The following AOAH variants were observed in gnomAD, a reference collection of about 807,000 sequenced individuals.
The protein encoded by AOAH is acyloxyacyl hydrolase, also known as acyloxyacyl hydrolase (neutrophil).
In AOAH, 64 loss-of-function variants were observed where a neutral mutation model predicts 92.2. The observed-to-expected ratio is 0.69, with a 90% confidence interval of 0.57 to 0.86. AOAH has a LOEUF of 0.86. AOAH is among the 40% of genes least tolerant of loss of function. The pLI is 0.00. For missense variants in AOAH, 656 were observed against 694.6 expected, an observed-to-expected ratio of 0.94 and a Z score of 0.62; for synonymous variants, 263 against 254.5, an observed-to-expected ratio of 1.03 and a Z score of -0.32.
At chr7:36,655,499 C>G (rs955577559) in intron 4 of AOAH, among the ~76,000 whole-genome samples, 5 of 152,164 alleles carry the variant, frequency 3.3e-5, no homozygotes, top group African/African-American at 4.8e-5. Context: ...CAGTCACTTG[C>G]TGCTCTCTGC....
chr7:36,525,866 C>T (rs10227530), intron 19 of AOAH, among the ~76,000 whole-genome samples: 10,301 of 152,224 alleles, frequency 0.068, 523 homozygotes, highest in East Asian at 0.18. Flanking sequence ...ATTCCCTTCT[C>T]CTTCCCTTGG....
intron 4 of AOAH, among the ~76,000 whole-genome samples, chr7:36,654,334 G>A (rs1794754468): frequency 6.6e-6 from 1 of 151,364 alleles, no homozygotes; most frequent in South Asian, 2.1e-4. Flanking sequence ...TCTTCTTCTT[G>A]TACCAGTGGG....
At chr7:36,608,736 A>G (rs1254182048) in intron 11 of AOAH, among the ~76,000 whole-genome samples, 1 of 152,158 alleles carries the variant, frequency 6.6e-6, no homozygotes, top group Non-Finnish European at 1.5e-5. Flanking sequence ...TGAGCTTGGC[A>G]TGTGGCTATC....
chr7:36,665,838 C>A (rs10245679), intron 3 of AOAH, among the ~76,000 whole-genome samples: 49,049 of 151,766 alleles, frequency 0.32, 8,521 homozygotes, highest in South Asian at 0.48. Flanking sequence ...CCTGTTGATA[C>A]GATGGATTAC....
chr7:36,657,008 T>C (rs910161390), intron 4 of AOAH, among the ~76,000 whole-genome samples: 3 of 152,110 alleles, frequency 2.0e-5, no homozygotes, highest in Admixed American at 2.0e-4. Flanking sequence ...GTCTGCTATA[T>C]ACCACTGAAA....
chr7:36,657,678 G>A (rs1794971182), intron 4 of AOAH, among the ~76,000 whole-genome samples: 1 of 152,224 alleles, frequency 6.6e-6, no homozygotes, highest in Admixed American at 6.5e-5. Context: ...CTGAATGCTA[G>A]CTGGGGTAGA....
At chr7:36,687,017 C>T (rs545530534) in intron 1 of AOAH, among the ~76,000 whole-genome samples, 2 of 152,294 alleles carry the variant, frequency 1.3e-5, no homozygotes, top group African/African-American at 2.4e-5. Context: ...TCCTCCCCCA[C>T]TTTCTCTCCT....
Position 36,618,386 on chromosome 7 carries a change from A to G in AOAH, c.703-41T>C, listed in dbSNP as rs769604712. 1.0e-5 allele frequency: 16 copies of G among 1,580,796 alleles called. No homozygotes were observed. The South Asian group carries it at 1.8e-4, about 18-fold the overall frequency. On this transcript the variant is annotated intron_variant, in intron 9 of 20. Transcript: ENST00000617537. ...GATGTGATTAGCAGTTTGGTTTTAA[A>G]TTTATGAGATACATATACTAAAGCT...
chr7:36,635,123 C>G (rs1793430908), intron 5 of AOAH, among the ~76,000 whole-genome samples: 1 of 152,168 alleles, frequency 6.6e-6, no homozygotes, highest in Admixed American at 6.5e-5. Flanking sequence ...TTGCCAGCCT[C>G]CTCCTTTCAA....
intron 1 of AOAH, among the ~76,000 whole-genome samples, chr7:36,698,200 C>T (rs1797831943): frequency 6.6e-6 from 1 of 152,090 alleles, no homozygotes; most frequent in Non-Finnish European, 1.5e-5. Context: ...CTAAACTCTC[C>T]CTCTACCTTC....
chr7:36,596,761 G>A (rs1377006389), intron 11 of AOAH, among the ~76,000 whole-genome samples: 1 of 152,068 alleles, frequency 6.6e-6, no homozygotes, highest in Non-Finnish European at 1.5e-5. Flanking sequence ...GAATTCTGGG[G>A]CAATCAATTT....
intron 1 of AOAH, among the ~76,000 whole-genome samples, chr7:36,702,234 C>T (rs1466172015): frequency 6.6e-6 from 1 of 152,000 alleles, no homozygotes; most frequent in Non-Finnish European, 1.5e-5. Flanking sequence ...TTATATTTAT[C>T]TACATATTTA....
intron 1 of AOAH, among the ~76,000 whole-genome samples, chr7:36,718,593 T>G (rs745735332): frequency 5.3e-5 from 8 of 152,186 alleles, no homozygotes; most frequent in Non-Finnish European, 1.0e-4. Context: ...AAACCAAGTA[T>G]GTCCATACAA....
At chr7:36,590,964 A>G (rs928151216) in intron 12 of AOAH, among the ~76,000 whole-genome samples, 4 of 152,228 alleles carry the variant, frequency 2.6e-5, no homozygotes, top group African/African-American at 9.6e-5. Context: ...ATACAATGGT[A>G]TATGGATACT....
intron 2 of AOAH, among the ~76,000 whole-genome samples, chr7:36,679,937 A>G (rs989755783): frequency 6.6e-5 from 10 of 152,184 alleles, no homozygotes; most frequent in Middle Eastern, 3.2e-3. Context: ...GATTACAGGC[A>G]TGAGCCACCA....
At chr7:36,605,678 G>T (rs1790947259) in intron 11 of AOAH, among the ~76,000 whole-genome samples, 1 of 152,200 alleles carries the variant, frequency 6.6e-6, no homozygotes, top group Admixed American at 6.5e-5. Context: ...AGGCAGCAGG[G>T]CCAAGATGAT....
intron 13 of AOAH, among the ~76,000 whole-genome samples, chr7:36,557,066 T>TCTGGAGTGGAC: frequency 6.6e-6 from 1 of 152,326 alleles, no homozygotes; most frequent in South Asian, 2.1e-4. Flanking sequence ...GTTGATGCAG[T>TCTGGAGTGGAC]TTCTTCCTAG....
intron 3 of AOAH, among the ~76,000 whole-genome samples, chr7:36,668,520 CCT>C (rs1283799662): frequency 1.3e-5 from 2 of 152,124 alleles, no homozygotes; most frequent in East Asian, 1.9e-4. Flanking sequence ...AGAGTCTCCC[CCT>C]GTCACCCAGG....
At chr7:36,674,086 G>T in intron 2 of AOAH, 77 bp from the exon 3 acceptor site, 1 of 806,376 alleles carries the variant, frequency 1.2e-6, no homozygotes, top group Non-Finnish European at 2.0e-6. Context: ...GATTATCTTT[G>T]CTAGGAACTG....
Sources: allele counts gnomAD v4.1 joint callset (sites outside exome capture counted in the v4.1 genomes callset), GRCh38; gene constraint gnomAD v4.1.1; transcripts MANE v1.5; gene names NCBI Gene and HGNC (gene_info 2026-07-23, HGNC 2026-07-21).